CTNND2: variants seen among roughly 807,000 people sequenced by gnomAD.
The protein encoded by CTNND2 is catenin delta-2.
In CTNND2, 22 loss-of-function variants were observed where a neutral mutation model predicts 144.4. The observed-to-expected ratio is 0.15, with a 90% CI of 0.11 to 0.22. The LOEUF (loss-of-function observed/expected upper bound fraction) is 0.22, where lower values mean the gene tolerates loss of function less well. Among genes scored for constraint, CTNND2 ranks in the 10% least tolerant of loss-of-function variants. CTNND2 has a pLI of 1.00. For missense variants in CTNND2, 1,353 were observed against 1,618.8 expected (o/e 0.84, Z 2.82); for synonymous variants, 751 against 695.6 (o/e 1.08, Z -1.25).
chr5:11,698,598 T>A (rs1785248799), intron 2 of CTNND2, among the ~76,000 whole-genome samples: 1 of 152,180 alleles, frequency 6.6e-6, no homozygotes, highest in Admixed American at 6.5e-5. Context: ...AAAGAACACA[T>A]TATTCTAATG....
chr5:11,143,898 T>G (rs1205196398), intron 12 of CTNND2, among the ~76,000 whole-genome samples: 1 of 151,576 alleles, frequency 6.6e-6, no homozygotes, highest in East Asian at 2.0e-4. Flanking sequence ...ATAGGGGCAG[T>G]CGCCAGGTCT....
intron 1 of CTNND2, among the ~76,000 whole-genome samples, chr5:11,781,429 C>A (rs998010001): frequency 1.3e-5 from 2 of 152,188 alleles, no homozygotes; most frequent in African/African-American, 4.8e-5. Flanking sequence ...CCAGCCTCCG[C>A]CCTTTAGGAA....
At chr5:11,086,894 T>A (rs1374458319) in intron 15 of CTNND2, among the ~76,000 whole-genome samples, 1 of 152,246 alleles carries the variant, frequency 6.6e-6, no homozygotes, top group Non-Finnish European at 1.5e-5. Context: ...CTTTTCCTCA[T>A]TGAAATCCTA....
chr5:10,996,435 A>G (rs1329968296), intron 18 of CTNND2, among the ~76,000 whole-genome samples: 1 of 139,042 alleles, frequency 7.2e-6, no homozygotes, highest in Non-Finnish European at 1.6e-5. Flanking sequence ...CGACTGCTCC[A>G]AGAAGGACGT....
intron 3 of CTNND2, among the ~76,000 whole-genome samples, chr5:11,428,344 A>AC (rs1241720499): frequency 6.6e-6 from 1 of 152,056 alleles, no homozygotes; most frequent in Non-Finnish European, 1.5e-5. Context: ...CCTAATCATC[A>AC]CCTGTAAGAT....
chr5:11,680,886 G>C (rs1441961836), intron 2 of CTNND2, among the ~76,000 whole-genome samples: 1 of 152,132 alleles, frequency 6.6e-6, no homozygotes, highest in Non-Finnish European at 1.5e-5. Context: ...TAGGTAAATA[G>C]AGCTCCACCA....
At chr5:11,042,633 G>C (rs1428860458) in intron 16 of CTNND2, among the ~76,000 whole-genome samples, 1 of 152,174 alleles carries the variant, frequency 6.6e-6, no homozygotes, top group Non-Finnish European at 1.5e-5. Context: ...TTTCCACATG[G>C]CAATTCTACT....
At chr5:11,810,977 A>C (rs1792299820) in intron 1 of CTNND2, among the ~76,000 whole-genome samples, 1 of 152,148 alleles carries the variant, frequency 6.6e-6, no homozygotes, top group Non-Finnish European at 1.5e-5. Flanking sequence ...AGTTTGTGCT[A>C]TGAGTTAGAC....
intron 8 of CTNND2, among the ~76,000 whole-genome samples, chr5:11,362,017 T>C (rs1006007574): frequency 5.3e-5 from 8 of 152,216 alleles, no homozygotes; most frequent in African/African-American, 1.9e-4. Context: ...GCCACTCATC[T>C]GAGCTAAGAG....
chr5:11,412,088 A>G lies in CTNND2; in HGVS notation c.288-19T>C, dbSNP rs1339937808. On this transcript the variant is annotated intron_variant, in intron 3 of 21. Coordinates refer to ENST00000304623, the MANE Select transcript of CTNND2 (RefSeq NM_001332.4). ...TGCTGAACTGTAAAAAAGAAAATACAGAGATATAATGCATTGATTAGAAAA... is the reference window on the plus strand; with the variant it reads ...TGCTGAACTGTAAAAAAGAAAATACGGAGATATAATGCATTGATTAGAAAA... The G allele has an allele frequency of 1.2e-6, 2 of 1,600,418 alleles. No homozygotes were observed. The highest frequency in any genetic ancestry group is 4.5e-5 in the East Asian group (2 of 44,708).
At chr5:11,444,873 G>T (rs1226949652) in intron 3 of CTNND2, among the ~76,000 whole-genome samples, 1 of 152,092 alleles carries the variant, frequency 6.6e-6, no homozygotes, top group African/African-American at 2.4e-5. Context: ...TGGCACCCAG[G>T]GCCTGGATTG....
chr5:11,402,525 T>C (rs180710284), intron 5 of CTNND2, among the ~76,000 whole-genome samples: 4 of 152,386 alleles, frequency 2.6e-5, no homozygotes, highest in African/African-American at 9.6e-5. Flanking sequence ...TTCACCTTTA[T>C]GGGTTCCAGA....
At chr5:11,149,166 G>A (rs1356697888) in intron 12 of CTNND2, among the ~76,000 whole-genome samples, 1 of 152,188 alleles carries the variant, frequency 6.6e-6, no homozygotes, top group Non-Finnish European at 1.5e-5. Context: ...TTGCTTACCT[G>A]AAACCATTAT....
At chr5:11,767,870 T>C (rs1484334177) in intron 1 of CTNND2, among the ~76,000 whole-genome samples, 1 of 152,006 alleles carries the variant, frequency 6.6e-6, no homozygotes, top group Non-Finnish European at 1.5e-5. Flanking sequence ...ATAATATCTG[T>C]CAAATTATGT....
At chr5:11,670,433 C>T (rs191856186) in intron 2 of CTNND2, among the ~76,000 whole-genome samples, 85 of 152,260 alleles carry the variant, frequency 5.6e-4, no homozygotes, top group Non-Finnish European at 1.0e-3. Flanking sequence ...CTGGGTGCTC[C>T]TGCATTGGGT....
At chr5:11,305,125 T>C (rs1488792036) in intron 9 of CTNND2, among the ~76,000 whole-genome samples, 3 of 152,204 alleles carry the variant, frequency 2.0e-5, no homozygotes, top group Admixed American at 1.3e-4. Context: ...ATGTAGCTCT[T>C]ACTACACACA....
chr5:11,682,408 C>G (rs962019161), intron 2 of CTNND2, among the ~76,000 whole-genome samples: 4 of 152,164 alleles, frequency 2.6e-5, no homozygotes, highest in Non-Finnish European at 5.9e-5. Context: ...GTAGCATTTG[C>G]ACATTATCAC....
At chr5:11,314,855 G>A (rs1431632126) in intron 9 of CTNND2, among the ~76,000 whole-genome samples, 2 of 152,202 alleles carry the variant, frequency 1.3e-5, no homozygotes, top group Middle Eastern at 3.2e-3. Context: ...AGCCAGGGGT[G>A]GCTGGTAGGG....
At position 11,841,530 on chromosome 5, in the gene CTNND2, T is replaced by G. The variant is rs1180475290; in HGVS notation, c.37+62287A>C. ...AAAATTATGGAACTTTTATTTAGAT[T>G]GAAGTTGAGAGAGACAAAATACAAA... On this transcript the variant is annotated intron_variant, in intron 1 of 21. Transcript: ENST00000304623. Among the ~76,000 whole-genome samples the G allele has an allele frequency of 2.0e-5, 3 of 152,132 alleles. No homozygotes were observed. In the East Asian group the frequency reaches 5.8e-4, roughly 29 times the overall value.
Sources: gnomAD v4.1 joint callset for allele counts (sites outside exome capture counted in the v4.1 genomes callset) on GRCh38, gnomAD v4.1.1 for gene constraint, MANE v1.5 for transcripts, NCBI Gene and HGNC (gene_info 2026-07-23, HGNC 2026-07-21) for gene names.